Variants in SLC25A37 observed in about 807,000 individuals in gnomAD.
The protein encoded by SLC25A37 is mitoferrin-1.
Under a neutral mutation model 31.0 loss-of-function variants are expected in SLC25A37, and 17 were observed. The observed-to-expected ratio is 0.55, with a 90% CI of 0.38 to 0.82. The LOEUF (loss-of-function observed/expected upper bound fraction) is 0.82, where lower values mean the gene tolerates loss of function less well. Among genes scored for constraint, SLC25A37 ranks in the 40% least tolerant of loss-of-function variants. The pLI is 0.00. For missense variants in SLC25A37, 404 were observed against 465.8 expected, an observed-to-expected ratio of 0.87 and a Z score of 1.22; for synonymous variants, 222 against 193.0, an observed-to-expected ratio of 1.15 and a Z score of -1.24.
At chr8:23,551,047 G>A (rs776893902) in intron 1 of SLC25A37, among the ~76,000 whole-genome samples, 1 of 152,222 alleles carries the variant, frequency 6.6e-6, no homozygotes, top group South Asian at 2.1e-4. Flanking sequence ...AGTCAGCAGT[G>A]TCGGGAATCT....
chr8:23,566,517 C>A (rs1473436481), intron 2 of SLC25A37, 181 bp downstream of exon 2: 1 of 1,361,180 alleles, frequency 7.3e-7, no homozygotes, highest in Non-Finnish European at 9.4e-7. Flanking sequence ...CGCGCGCGCA[C>A]ACACATGCTT....
chr8:23,547,682 T>C lies in SLC25A37; in HGVS notation c.211-18426T>C, dbSNP rs1049445109. ...ATTTTGCAGAGGGGCTGAGCAGTGG[T>C]GGGAAGGACCAGCGGCCCATGTACC... On this transcript the variant is annotated intron_variant, in intron 1 of 3. Coordinates refer to ENST00000519973, the MANE Select transcript of SLC25A37 (RefSeq NM_016612.4). Among the ~76,000 whole-genome samples, 10 of 152,358 alleles carry C rather than the reference T, an allele frequency of 6.6e-5. No homozygotes were observed. The South Asian group carries it at 1.9e-3, about 28-fold the overall frequency.
At chr8:23,566,447 C>G (rs930044256) in intron 2 of SLC25A37, 111 bp downstream of exon 2, 1 of 1,489,754 alleles carries the variant, frequency 6.7e-7, no homozygotes. Context: ...CGCTTGCTCA[C>G]GAATAAAGAA....
chr8:23,558,744 C>T (rs934754665), intron 1 of SLC25A37, among the ~76,000 whole-genome samples: 4 of 152,168 alleles, frequency 2.6e-5, no homozygotes, highest in African/African-American at 2.4e-5. Flanking sequence ...TCAGGTCACA[C>T]TGGGAGTGGC....
At position 23,528,965 on chromosome 8, in the gene SLC25A37, CACCTCCTGCA is replaced by C. The variant is rs754312347; in HGVS notation, c.-37_-28del. The C allele has an allele frequency of 8.5e-6, 12 of 1,418,362 alleles. No homozygotes were observed. In the African/African-American group the frequency reaches 1.6e-4, roughly 19 times the overall value. The allele number at this position is 1,418,362 out of a possible 1,614,324, so 87.9% of individuals were successfully genotyped here. A position where few individuals can be genotyped will look rare whatever the true frequency, so the allele number is the denominator to read the frequency against. ...TTTTGCGCCCCTCCCCCTCCCTGCCCACCTCCTGCAGCCTCCTGCGCCCCGCCGAGCTGGC... is the reference window on the plus strand; with the variant it reads ...TTTTGCGCCCCTCCCCCTCCCTGCCCGCCTCCTGCGCCCCGCCGAGCTGGC... On this transcript the variant is annotated 5_prime_UTR_variant, in exon 1 of 4. Coordinates refer to ENST00000519973, the MANE Select transcript of SLC25A37 (RefSeq NM_016612.4).
chr8:23,548,618 A>G (rs558588837), intron 1 of SLC25A37, among the ~76,000 whole-genome samples: 207 of 151,718 alleles, frequency 1.4e-3, no homozygotes, highest in Non-Finnish European at 2.3e-3. Flanking sequence ...TTACAGGCAT[A>G]CACCACCACA....
chr8:23,552,412 G>A (rs1414989839), intron 1 of SLC25A37, among the ~76,000 whole-genome samples: 3 of 152,116 alleles, frequency 2.0e-5, no homozygotes, highest in East Asian at 3.9e-4. Flanking sequence ...ATAGGATTTC[G>A]ACCTTGTGGT....
chr8:23,566,840 G>A, intron 2 of SLC25A37: 1 of 985,956 alleles, frequency 1.0e-6, no homozygotes, highest in Non-Finnish European at 1.2e-6. Context: ...GCTGACAAAG[G>A]ACTCGCGCAA....
rs748338622 is a variant in SLC25A37 at position 23,529,256 on chromosome 8, A to AGCGC, written c.210+53_210+56dup. 7.1e-6 allele frequency: 11 copies of AGCGC among 1,556,862 alleles called. No individual in the cohort carries two copies. In the African/African-American group the frequency reaches 1.5e-4, roughly 22 times the overall value. ...TCGGGGACGCAACGAGCGGAGAAGG[A>AGCGC]GCGCGCGCGCGCATTTGCATCCCGC... On this transcript the variant is annotated intron_variant, in intron 1 of 3. Transcript: ENST00000519973. This position sits in a 1 kb window ranked among gnomAD's most constrained non-coding sequence, Gnocchi z 4.1.
chr8:23,559,480 G>A (rs1378673240), intron 1 of SLC25A37, among the ~76,000 whole-genome samples: 1 of 151,936 alleles, frequency 6.6e-6, no homozygotes, highest in African/African-American at 2.4e-5. Flanking sequence ...TTTAAAAATT[G>A]TAGTAAAATA....
intron 1 of SLC25A37, among the ~76,000 whole-genome samples, chr8:23,558,003 A>G (rs1802413656): frequency 6.6e-6 from 1 of 152,160 alleles, no homozygotes; most frequent in Admixed American, 6.5e-5. Context: ...TGCTCATGGT[A>G]TCACAGTGCT....
chr8:23,530,331 G>A (rs1045983943), intron 1 of SLC25A37, among the ~76,000 whole-genome samples: 1 of 152,210 alleles, frequency 6.6e-6, no homozygotes, highest in Non-Finnish European at 1.5e-5. Flanking sequence ...ATTTTGCAAG[G>A]CAGGTCCCAC....
At chr8:23,534,062 G>T (rs1801715429) in intron 1 of SLC25A37, among the ~76,000 whole-genome samples, 1 of 152,060 alleles carries the variant, frequency 6.6e-6, no homozygotes, top group Non-Finnish European at 1.5e-5. Context: ...GATCCTCCCA[G>T]CTCAGACTCC....
intron 1 of SLC25A37, among the ~76,000 whole-genome samples, chr8:23,541,157 G>C (rs182541855): frequency 3.3e-5 from 5 of 152,022 alleles, no homozygotes; most frequent in African/African-American, 1.2e-4. Context: ...TGCTCATTTC[G>C]TGGTAATGTA....
In SLC25A37 at chr8:23,573,807, G is replaced by C. The variant is rs1385264813; in HGVS notation, c.*1952G>C. ...TGCCCTGTCCCATCTGGCAGTTAAC[G>C]CCTTCTCCCTGCTCTGCCCCCCACT... On this transcript the variant is annotated 3_prime_UTR_variant, in exon 4 of 4. Coordinates refer to ENST00000519973, the MANE Select transcript of SLC25A37 (RefSeq NM_016612.4). 1 of 456,650 alleles carries C rather than the reference G, an allele frequency of 2.2e-6. No homozygotes were observed. Among genetic ancestry groups the C allele is most frequent in the Non-Finnish European group, 4.4e-6 (1 of 226,964 alleles). 28.3% of individuals were successfully genotyped at this position (456,650 alleles called of 1,614,324 possible). A position where few individuals can be genotyped will look rare whatever the true frequency, so the allele number is the denominator to read the frequency against.
chr8:23,565,132 G>A (rs1362182805), intron 1 of SLC25A37, among the ~76,000 whole-genome samples: 1 of 152,192 alleles, frequency 6.6e-6, no homozygotes, highest in Non-Finnish European at 1.5e-5. Flanking sequence ...GAGGCCTTCA[G>A]CTGATTAAAT....
At chr8:23,549,849 G>C (rs925547368) in intron 1 of SLC25A37, among the ~76,000 whole-genome samples, 1 of 138,154 alleles carries the variant, frequency 7.2e-6, no homozygotes, top group Non-Finnish European at 1.5e-5. Flanking sequence ...TAACCTGTGG[G>C]GTGGGCCCCA....
At chr8:23,538,547 T>TTG (rs531705542) in intron 1 of SLC25A37, among the ~76,000 whole-genome samples, 425 of 145,540 alleles carry the variant, frequency 2.9e-3, no homozygotes, top group Non-Finnish European at 4.6e-3. Context: ...GTGTGTGTGT[T>TTG]TGTGTGTGTG....
intron 1 of SLC25A37, among the ~76,000 whole-genome samples, chr8:23,538,031 A>C (rs1801805908): frequency 6.6e-6 from 1 of 151,654 alleles, no homozygotes; most frequent in Non-Finnish European, 1.5e-5. Flanking sequence ...GGTTGAATGA[A>C]GGAAGGCACG....
Sources: gnomAD v4.1 joint callset for allele counts (sites outside exome capture counted in the v4.1 genomes callset) on GRCh38, gnomAD v4.1.1 for gene constraint, Gnocchi (gnomAD v3.1) non-coding constraint, MANE v1.5 for transcripts, NCBI Gene and HGNC (gene_info 2026-07-23, HGNC 2026-07-21) for gene names.